The following SSR3 variants were observed in gnomAD, a reference collection of about 807,000 sequenced individuals.
The protein encoded by SSR3 is signal sequence receptor subunit 3.
SSR3 carries 10 observed loss-of-function variants against 22.1 expected under a neutral mutation model. The observed-to-expected ratio is 0.45, with a 90% CI of 0.28 to 0.77. The LOEUF (loss-of-function observed/expected upper bound fraction) is 0.77. Among genes scored for constraint, SSR3 ranks in the 30% least tolerant of loss-of-function variants. The pLI, the probability that SSR3 is intolerant of heterozygous loss-of-function variation, is 0.13. For synonymous variants in SSR3, 104 were observed against 82.5 expected (o/e 1.26, Z -1.42); for missense variants, 181 against 220.5 (o/e 0.82, Z 1.13).
At chr3:156,553,876 T>C (rs778796025) in intron 1 of SSR3, 95 bp from the exon 2 acceptor site, 58 of 1,288,604 alleles carry the variant, frequency 4.5e-5, no homozygotes, top group Non-Finnish European at 6.0e-5. Context: ...CTAAGCCTGG[T>C]AAAATACCAG....
intron 3 of SSR3, among the ~76,000 whole-genome samples, chr3:156,545,142 TGTTG>T (rs1719716508): frequency 6.6e-6 from 1 of 152,200 alleles, no homozygotes; most frequent in Non-Finnish European, 1.5e-5. Context: ...CCTTCATTCT[TGTTG>T]GTTAATTAAC....
chr3:156,543,230 G>A lies in SSR3; in HGVS notation c.531C>T (p.Ile177=), dbSNP rs767064238. The A allele has an allele frequency of 9.3e-6, 15 of 1,613,906 alleles. No individual in the cohort carries two copies. The Middle Eastern group carries it at 6.7e-4, about 72-fold the overall frequency. Residue 177 remains isoleucine (I), a synonymous_variant, in exon 5 of 5, where the codon ATC becomes ATT. Coordinates refer to ENST00000265044, the MANE Select transcript of SSR3 (RefSeq NM_007107.5). The stretch of plus-strand genomic sequence containing the variant: ...ATTTGGAGCCAGTAGACAGGAGGGC[G>A]ATGAGTCCTGATGAAGCACTTATGG... ...ILSISASSGL[I]ALLSTGSK is the part of the protein sequence containing the mutation.
At chr3:156,549,592 A>G (rs974593139) in intron 2 of SSR3, among the ~76,000 whole-genome samples, 1 of 152,230 alleles carries the variant, frequency 6.6e-6, no homozygotes, top group African/African-American at 2.4e-5. Flanking sequence ...TGTCTGGGAT[A>G]CAAGTTAAGC....
chr3:156,544,553 T>C (rs1181686174), intron 3 of SSR3, 114 bp from the exon 4 acceptor site: 1 of 768,848 alleles, frequency 1.3e-6, no homozygotes, highest in African/African-American at 1.8e-5. Context: ...TGTTCTAGGG[T>C]AAGAATGTGT....
intron 2 of SSR3, among the ~76,000 whole-genome samples, chr3:156,553,435 C>T (rs1382567176): frequency 6.6e-6 from 1 of 152,100 alleles, no homozygotes; most frequent in Admixed American, 6.5e-5. Context: ...CTAATTCCAC[C>T]CTCAAAATCT....
At chr3:156,552,951 GTA>G (rs1720015551) in intron 2 of SSR3, among the ~76,000 whole-genome samples, 1 of 151,710 alleles carries the variant, frequency 6.6e-6, no homozygotes, top group African/African-American at 2.4e-5. Flanking sequence ...GTATTTTACA[GTA>G]TGTGTGATCT....
intron 1 of SSR3, 118 bp downstream of exon 1, chr3:156,554,839 A>T (rs1159672473): frequency 2.4e-5 from 32 of 1,353,712 alleles, no homozygotes; most frequent in Non-Finnish European, 3.1e-5. Flanking sequence ...GGGGAGCTGG[A>T]GAGATTGCCG....
chr3:156,554,742 A>C, intron 1 of SSR3: 2 of 603,884 alleles, frequency 3.3e-6, no homozygotes, highest in South Asian at 4.3e-5. Flanking sequence ...CGTACTTTTA[A>C]CAAGTGACCT....
intron 3 of SSR3, among the ~76,000 whole-genome samples, chr3:156,545,743 G>A (rs143881431): frequency 1.7e-3 from 257 of 147,724 alleles, no homozygotes; most frequent in African/African-American, 6.1e-3. Context: ...GACATTAAGT[G>A]CAGCCATCAA....
At chr3:156,549,066 T>C in intron 2 of SSR3, 63 bp from the exon 3 acceptor site, 1 of 1,489,836 alleles carries the variant, frequency 6.7e-7, no homozygotes. Flanking sequence ...TCACACTCTC[T>C]CAGAAACACA....
intron 2 of SSR3, chr3:156,551,629 G>A (rs1165025452): frequency 6.6e-6 from 1 of 152,224 alleles, no homozygotes; most frequent in Admixed American, 6.5e-5. Flanking sequence ...AACTGCTAAG[G>A]CCACTTCAGT....
rs1164485287 is a variant in SSR3 at position 156,540,209 on chromosome 3, C to A, written c.*2994G>T. 21 of 152,158 alleles carry A rather than the reference C, an allele frequency of 1.4e-4. No homozygotes were observed. The highest frequency in any genetic ancestry group is 1.4e-3 in the Admixed American group (21 of 15,284). The allele number at this position is 152,158 out of a possible 1,614,324, so 9.4% of individuals were successfully genotyped here. On this transcript the variant is annotated 3_prime_UTR_variant, in exon 5 of 5. Transcript: ENST00000265044. ...TTTTCACAAGAATTGAGTATAAATT[C>A]AATCTCCATATTTCAGTTAACTTCA... is the stretch of plus-strand genomic sequence containing the variant.
chr3:156,547,215 T>C (rs1482896081), intron 3 of SSR3, among the ~76,000 whole-genome samples: 2 of 152,198 alleles, frequency 1.3e-5, no homozygotes, highest in South Asian at 2.1e-4. Flanking sequence ...TTGAAATACC[T>C]AATCCAGCAA....
intron 2 of SSR3, among the ~76,000 whole-genome samples, chr3:156,550,359 C>T (rs1250098040): frequency 1.3e-5 from 2 of 152,160 alleles, no homozygotes; most frequent in African/African-American, 4.8e-5. Flanking sequence ...GAACAGTCAA[C>T]CGATTGTCCA....
At chr3:156,546,848 T>C (rs1240412205) in intron 3 of SSR3, among the ~76,000 whole-genome samples, 3 of 152,236 alleles carry the variant, frequency 2.0e-5, no homozygotes, top group Admixed American at 1.3e-4. Flanking sequence ...CCTCTGCTTA[T>C]TTCCATCCTT....
chr3:156,543,481 A>C (rs1207230376), intron 4 of SSR3, among the ~76,000 whole-genome samples: 1 of 152,256 alleles, frequency 6.6e-6, no homozygotes, highest in Non-Finnish European at 1.5e-5. Flanking sequence ...TCCAATTTAA[A>C]AAAAACACTT....
rs1719611772 is a variant in SSR3 at position 156,542,809 on chromosome 3, A to G, written c.*394T>C. The stretch of plus-strand genomic sequence containing the variant: ...ATTCTGATATTTACGGTTCAAAAGA[A>G]GTTGTAATATTGTGCTTGGAACACA... On this transcript the variant is annotated 3_prime_UTR_variant, in exon 5 of 5. Transcript: ENST00000265044. 1 of 173,892 alleles carries G rather than the reference A, an allele frequency of 5.8e-6. No individual in the cohort carries two copies. The highest frequency in any genetic ancestry group is 2.0e-4 in the South Asian group (1 of 5,102). 10.8% of individuals were successfully genotyped at this position (173,892 alleles called of 1,614,324 possible). A position where few individuals can be genotyped will look rare whatever the true frequency, so the allele number is the denominator to read the frequency against.
intron 4 of SSR3, among the ~76,000 whole-genome samples, chr3:156,543,797 A>G (rs78075001): frequency 0.011 from 1,648 of 152,330 alleles, 25 homozygotes; most frequent in African/African-American, 0.038. Flanking sequence ...CATCATAATC[A>G]CCAATTGTTA....
At position 156,541,418 on chromosome 3, in the gene SSR3, T is replaced by G. The variant is rs1576996367; in HGVS notation, c.*1785A>C. The G allele has an allele frequency of 6.6e-6, 1 of 151,816 alleles. No individual in the cohort carries two copies. The highest frequency in any genetic ancestry group is 2.4e-5 in the African/African-American group (1 of 41,274). 9.4% of individuals were successfully genotyped at this position (151,816 alleles called of 1,614,324 possible). ...CCAACAGTAAAGAAAACTTTTTGGG[T>G]TTTTTTGTTTCTTTTTTGAGATGGA... On this transcript the variant is annotated 3_prime_UTR_variant, in exon 5 of 5. Transcript: ENST00000265044.
Sources: gnomAD v4.1 joint callset for allele counts (sites outside exome capture counted in the v4.1 genomes callset) on GRCh38, gnomAD v4.1.1 for gene constraint, MANE v1.5 for transcripts, NCBI Gene and HGNC (gene_info 2026-07-23, HGNC 2026-07-21) for gene names.